The following IPO7 variants were observed in gnomAD, a reference collection of about 807,000 sequenced individuals.
The protein encoded by IPO7 is importin-7.
A neutral mutation model predicts 136.4 loss-of-function variants in IPO7; 13 were observed. That is an observed-to-expected ratio of 0.10 (90% CI 0.06 to 0.15). IPO7 has a LOEUF of 0.15. Among genes scored for constraint, IPO7 ranks in the 10% least tolerant of loss-of-function variants. IPO7 has a pLI of 1.00. For missense variants in IPO7, 857 were observed against 1,240.6 expected (o/e 0.69, Z 4.65); for synonymous variants, 403 against 404.4 (o/e 1.00, Z 0.04).
At chr11:9,386,863 AT>A (rs1854558163) in intron 1 of IPO7, among the ~76,000 whole-genome samples, 1 of 152,202 alleles carries the variant, frequency 6.6e-6, no homozygotes, top group Non-Finnish European at 1.5e-5. Flanking sequence ...CATGGCCTTT[AT>A]TTTTGTAATC....
intron 5 of IPO7, among the ~76,000 whole-genome samples, chr11:9,415,737 C>G (rs1053768563): frequency 6.6e-6 from 1 of 151,914 alleles, no homozygotes; most frequent in African/African-American, 2.4e-5. Flanking sequence ...ACTCAGGAGG[C>G]TGAGGCAGGA....
At chr11:9,415,838 A>C (rs1321558294) in intron 5 of IPO7, among the ~76,000 whole-genome samples, 4 of 151,386 alleles carry the variant, frequency 2.6e-5, no homozygotes, top group African/African-American at 4.9e-5. Context: ...ACTCCGTCCC[A>C]AAAAAAAAGA....
chr11:9,408,709 T>A (rs1299484741), intron 3 of IPO7, 70 bp downstream of exon 3: 1 of 888,386 alleles, frequency 1.1e-6, no homozygotes, highest in African/African-American at 1.9e-5. Flanking sequence ...TTTTGGTTTT[T>A]TTTTTTTTTT....
intron 22 of IPO7, among the ~76,000 whole-genome samples, chr11:9,439,905 C>T (rs1359233953): frequency 6.6e-6 from 1 of 152,124 alleles, no homozygotes; most frequent in Non-Finnish European, 1.5e-5. Flanking sequence ...TTTTAAGCTT[C>T]TAAAGATTTA....
intron 6 of IPO7, among the ~76,000 whole-genome samples, chr11:9,419,562 ATATATAT>A (rs1564998509): frequency 1.3e-5 from 1 of 74,658 alleles, no homozygotes; most frequent in Non-Finnish European, 3.4e-5. Flanking sequence ...AAAAAAAAAT[ATATATAT>A]ATATATATAT....
At chr11:9,418,987 T>C (rs1855083827) in intron 6 of IPO7, among the ~76,000 whole-genome samples, 1 of 152,254 alleles carries the variant, frequency 6.6e-6, no homozygotes. Context: ...TATAGATATA[T>C]CACAATTTAT....
chr11:9,435,632 A>G (rs1204102886), intron 19 of IPO7, among the ~76,000 whole-genome samples: 1 of 152,170 alleles, frequency 6.6e-6, no homozygotes, highest in Non-Finnish European at 1.5e-5. Flanking sequence ...TTTTACTGCC[A>G]ATTATATTAT....
chr11:9,421,789 A>T (rs1406356666), intron 8 of IPO7, among the ~76,000 whole-genome samples: 2 of 150,776 alleles, frequency 1.3e-5, no homozygotes, highest in Non-Finnish European at 3.0e-5. Context: ...CTAAAAATTC[A>T]AAAATGTAGC....
chr11:9,409,309 A>C (rs573456208), intron 3 of IPO7, among the ~76,000 whole-genome samples: 2 of 151,976 alleles, frequency 1.3e-5, no homozygotes, highest in East Asian at 1.9e-4. Context: ...AGGTTTTACC[A>C]TGTTGGCCAC....
chr11:9,416,521 T>C (rs1855044541), intron 5 of IPO7, among the ~76,000 whole-genome samples: 1 of 152,202 alleles, frequency 6.6e-6, no homozygotes, highest in South Asian at 2.1e-4. Flanking sequence ...TGTAAAAATA[T>C]AGCCCCGTCT....
intron 14 of IPO7, 63 bp from the exon 15 acceptor site, chr11:9,429,611 G>T: frequency 7.6e-7 from 1 of 1,315,328 alleles, no homozygotes; most frequent in East Asian, 2.4e-5. Flanking sequence ...ATCGATATTT[G>T]TTATATCAGG....
At chr11:9,412,073 G>T (rs529739989) in intron 4 of IPO7, among the ~76,000 whole-genome samples, 6 of 152,244 alleles carry the variant, frequency 3.9e-5, no homozygotes, top group African/African-American at 9.6e-5. Context: ...TTTGTGAATT[G>T]TTATTTTGTC....
chr11:9,438,004 T>G (rs1001157456), intron 21 of IPO7, 30 bp downstream of exon 21: 98 of 1,599,830 alleles, frequency 6.1e-5, no homozygotes, highest in Non-Finnish European at 8.1e-5. Context: ...TTTACTACAT[T>G]TGCTTTGGGA....
rs772220602 is a variant in IPO7 at position 9,438,271 on chromosome 11, A to C, written c.2681A>C (p.Asp894Ala). The C allele has an allele frequency of 1.9e-6, 3 of 1,547,940 alleles. No individual in the cohort carries two copies. The highest frequency in any genetic ancestry group is 4.5e-5 in the East Asian group (2 of 44,576). ...AGTGATGATGATGATGAAGCTGAAG[A>C]TGATGATGAAACCGGTAAGGGATTT... ...NDSDDDDEAE[D>A]DDETEELGSD... The change falls in exon 22 of 25, where the codon GAT becomes GCT. Residue 894 changes from aspartate (D) to alanine (A), a missense_variant. Around this residue, in one of 11 missense-constraint regions of IPO7, gnomAD observed 119 missense variants for 155.5 expected, o/e 0.77. Coordinates refer to ENST00000379719, the MANE Select transcript of IPO7 (RefSeq NM_006391.3).
At chr11:9,437,585 T>C (rs1855397300) in intron 20 of IPO7, among the ~76,000 whole-genome samples, 169 bp from the exon 21 acceptor site, 1 of 152,214 alleles carries the variant, frequency 6.6e-6, no homozygotes, top group African/African-American at 2.4e-5. Flanking sequence ...CCATGAAGAC[T>C]ACTAGACTTT....
At position 9,396,003 on chromosome 11, in the gene IPO7, G is replaced by A. The variant is rs544777093; in HGVS notation, c.85-7287G>A. Among the ~76,000 whole-genome samples the A allele has an allele frequency of 1.8e-4, 28 of 152,180 alleles. 1 individual carries two copies. The South Asian group carries it at 5.8e-3, about 32-fold the overall frequency. ...CTCCCAGAGTGCTGGGATTACAGGC[G>A]TGAGCCACCATGCCTTGCTGAAAGT... On this transcript the variant is annotated intron_variant, in intron 1 of 24. Coordinates refer to ENST00000379719, the MANE Select transcript of IPO7 (RefSeq NM_006391.3).
chr11:9,388,565 C>G (rs1398832243), intron 1 of IPO7, among the ~76,000 whole-genome samples: 1 of 152,010 alleles, frequency 6.6e-6, no homozygotes, highest in Admixed American at 6.6e-5. Flanking sequence ...TGCAGCCTCT[C>G]CCTCTCGGGC....
At chr11:9,425,912 G>C (rs1301277536) in intron 12 of IPO7, among the ~76,000 whole-genome samples, 1 of 151,650 alleles carries the variant, frequency 6.6e-6, no homozygotes, top group Non-Finnish European at 1.5e-5. Flanking sequence ...TGGGCATGGT[G>C]GTGGGCACCT....
At chr11:9,392,255 ACAAC>A (rs1289103416) in intron 1 of IPO7, 1 of 301,148 alleles carries the variant, frequency 3.3e-6, no homozygotes, top group Non-Finnish European at 6.2e-6. Context: ...TCGGCTCGCC[ACAAC>A]CTCCGCCTCC....
Sources: gnomAD v4.1 joint callset for allele counts (sites outside exome capture counted in the v4.1 genomes callset) on GRCh38, gnomAD v4.1.1 for gene constraint, gnomAD v4.1.1 regional missense constraint, MANE v1.5 for transcripts, NCBI Gene and HGNC (gene_info 2026-07-23, HGNC 2026-07-21) for gene names.